The following PCCA variants were observed in gnomAD, a reference collection of about 807,000 sequenced individuals.
The protein encoded by PCCA is propionyl-CoA carboxylase alpha chain, mitochondrial.
A neutral mutation model predicts 101.3 loss-of-function variants in PCCA; 74 were observed. The ratio of observed to expected loss-of-function variants is 0.73; its 90% CI spans 0.61 to 0.89. The LOEUF (loss-of-function observed/expected upper bound fraction) is 0.89. PCCA is among the 40% of genes least tolerant of loss of function. PCCA has a pLI of 0.00. For synonymous variants in PCCA, 294 were observed against 313.6 expected (o/e 0.94, Z 0.66); for missense variants, 891 against 907.0 (o/e 0.98, Z 0.23).
intron 12 of PCCA, among the ~76,000 whole-genome samples, chr13:100,297,352 T>C (rs1350319646): frequency 6.6e-6 from 1 of 152,220 alleles, no homozygotes; most frequent in Non-Finnish European, 1.5e-5. Context: ...AGGAATAGGC[T>C]GAAGATGACA....
intron 18 of PCCA, among the ~76,000 whole-genome samples, chr13:100,345,229 G>GGC (rs1326114951): frequency 1.3e-5 from 2 of 152,242 alleles, no homozygotes; most frequent in African/African-American, 4.8e-5. Context: ...AGCCGAGGCA[G>GGC]GCTAGGCCTC....
intron 22 of PCCA, among the ~76,000 whole-genome samples, chr13:100,526,479 A>G (rs2087829565): frequency 6.6e-6 from 1 of 152,240 alleles, no homozygotes; most frequent in Admixed American, 6.5e-5. Context: ...CAGGCGCTCC[A>G]GAGTGCCAGC....
chr13:100,154,896 AT>A, intron 4 of PCCA, 82 bp from the exon 5 acceptor site: 1 of 899,492 alleles, frequency 1.1e-6, no homozygotes, highest in East Asian at 2.4e-5. Flanking sequence ...GAACAATCAG[AT>A]TTGCAATTTT....
At chr13:100,298,740 T>G (rs9557411) in intron 12 of PCCA, among the ~76,000 whole-genome samples, 30,038 of 78,374 alleles carry the variant, frequency 0.38, 7,563 homozygotes, top group Middle Eastern at 0.45. Context: ...CCTTCCTTCC[T>G]TCCGTCCTTC....
chr13:100,140,863 T>C (rs936206618), intron 4 of PCCA, among the ~76,000 whole-genome samples: 1 of 152,190 alleles, frequency 6.6e-6, no homozygotes. Flanking sequence ...GCATCCTGTA[T>C]ACTATGTTGT....
intron 4 of PCCA, among the ~76,000 whole-genome samples, chr13:100,140,333 T>C (rs1380863115): frequency 1.3e-5 from 2 of 152,226 alleles, no homozygotes; most frequent in Non-Finnish European, 2.9e-5. Context: ...TCTCTCATTG[T>C]TTTGGCTCTT....
intron 12 of PCCA, 105 bp from the exon 13 acceptor site, chr13:100,301,355 T>G: frequency 8.4e-7 from 1 of 1,194,910 alleles, no homozygotes; most frequent in Non-Finnish European, 1.2e-6. Context: ...AAATGTTACA[T>G]TCGATTAACT....
intron 12 of PCCA, among the ~76,000 whole-genome samples, chr13:100,275,726 G>A (rs1030311579): frequency 1.4e-5 from 2 of 147,702 alleles, no homozygotes; most frequent in African/African-American, 5.0e-5. Flanking sequence ...ATTTTTTCCT[G>A]TACAAGTTTG....
intron 8 of PCCA, among the ~76,000 whole-genome samples, chr13:100,250,120 AAG>A (rs1162843570): frequency 5.3e-5 from 8 of 152,132 alleles, no homozygotes; most frequent in Non-Finnish European, 5.9e-5. Context: ...TAAGAGTTGT[AAG>A]AGGGGACATT....
chr13:100,186,551 G>A (rs1016828024), intron 6 of PCCA, among the ~76,000 whole-genome samples: 19 of 151,974 alleles, frequency 1.3e-4, no homozygotes, highest in African/African-American at 4.6e-4. Flanking sequence ...AGACCTCCCT[G>A]GGCAAAATGA....
intron 21 of PCCA, among the ~76,000 whole-genome samples, chr13:100,499,146 T>A (rs1262153899): frequency 6.6e-6 from 1 of 152,236 alleles, no homozygotes; most frequent in Admixed American, 6.5e-5. Flanking sequence ...AGGGGTTTGC[T>A]TCCGTGGCTC....
At position 100,340,156 on chromosome 13, in the gene PCCA, G is replaced by C; in HGVS notation, c.1541-1G>C. Reference sequence around the variant, plus strand: ...TTGATTGGTTGATTGATTTCCCTCAGGACACATGCTAACCAAGAGTGAGAA... The same window carrying C: ...TTGATTGGTTGATTGATTTCCCTCACGACACATGCTAACCAAGAGTGAGAA... On this transcript the variant is annotated splice_acceptor_variant, in intron 17 of 23. Coordinates refer to ENST00000376285, the MANE Select transcript of PCCA (RefSeq NM_000282.4). LOFTEE classifies it high-confidence loss of function. 6.6e-7 allele frequency: 1 copy of C among 1,522,822 alleles called. No individual in the cohort carries two copies. Among genetic ancestry groups the C allele is most frequent in the Non-Finnish European group, 9.1e-7 (1 of 1,096,640 alleles). 94.3% of individuals were successfully genotyped at this position (1,522,822 alleles called of 1,614,324 possible).
chr13:100,214,727 A>G (rs750057160), intron 7 of PCCA, among the ~76,000 whole-genome samples: 4 of 152,062 alleles, frequency 2.6e-5, no homozygotes, highest in Non-Finnish European at 5.9e-5. Flanking sequence ...AACCTGGCCT[A>G]TAGTTTTCAT....
chr13:100,165,567 A>G (rs1313191730), intron 6 of PCCA, among the ~76,000 whole-genome samples: 2 of 152,216 alleles, frequency 1.3e-5, no homozygotes, highest in East Asian at 1.9e-4. Context: ...TTGTACTACT[A>G]CAAATGCCAG....
intron 19 of PCCA, 37 bp downstream of exon 19, chr13:100,368,611 T>A (rs370766493): frequency 8.0e-7 from 1 of 1,256,256 alleles, no homozygotes; most frequent in African/African-American, 1.5e-5. Flanking sequence ...GTAATCTTGA[T>A]GTTATCTATG....
At chr13:100,115,863 A>C (rs1421841515) in intron 4 of PCCA, among the ~76,000 whole-genome samples, 1 of 152,186 alleles carries the variant, frequency 6.6e-6, no homozygotes, top group Admixed American at 6.5e-5. Flanking sequence ...ATTTATAATA[A>C]AATTTACCAG....
intron 21 of PCCA, among the ~76,000 whole-genome samples, chr13:100,463,825 A>G (rs1457262866): frequency 2.0e-5 from 3 of 152,212 alleles, no homozygotes; most frequent in Non-Finnish European, 2.9e-5. Flanking sequence ...AAATGATGAC[A>G]TGTTTATTAT....
At chr13:100,259,320 A>G (rs1291652161) in intron 9 of PCCA, among the ~76,000 whole-genome samples, 1 of 147,106 alleles carries the variant, frequency 6.8e-6, no homozygotes, top group Non-Finnish European at 1.5e-5. Flanking sequence ...TTTTTTTAAA[A>G]ATGTAATGGT....
chr13:100,470,214 C>G (rs1278656231), intron 21 of PCCA, among the ~76,000 whole-genome samples: 1 of 152,170 alleles, frequency 6.6e-6, no homozygotes, highest in Non-Finnish European at 1.5e-5. Context: ...AGGTGCCAAA[C>G]TGCAGTACAT....
Sources: allele counts gnomAD v4.1 joint callset (sites outside exome capture counted in the v4.1 genomes callset), GRCh38; gene constraint gnomAD v4.1.1; transcripts MANE v1.5; gene names NCBI Gene and HGNC (gene_info 2026-07-23, HGNC 2026-07-21).